Variants in AGBL4 observed in about 807,000 individuals in gnomAD.
AGBL4 encodes the protein AGBL carboxypeptidase 4.
AGBL4 carries 58 observed loss-of-function variants against 66.4 expected under a neutral mutation model. The ratio of observed to expected loss-of-function variants is 0.87; its 90% CI spans 0.71 to 1.09. AGBL4 has a LOEUF of 1.09. Among genes scored for constraint, AGBL4 ranks in the 50% least tolerant of loss-of-function variants. The pLI, the probability that AGBL4 is intolerant of heterozygous loss-of-function variation, is 0.00. For synonymous variants in AGBL4, 234 were observed against 222.9 expected, an observed-to-expected ratio of 1.05 and a Z score of -0.44; for missense variants, 579 against 631.0, an observed-to-expected ratio of 0.92 and a Z score of 0.88.
intron 5 of AGBL4, among the ~76,000 whole-genome samples, chr1:49,010,438 A>C (rs1438751676): frequency 7.3e-6 from 1 of 136,700 alleles, no homozygotes; most frequent in Non-Finnish European, 1.6e-5. Context: ...CAATATCGTG[A>C]AAATGGCCAT....
chr1:49,474,157 T>G (rs999905002), intron 3 of AGBL4, among the ~76,000 whole-genome samples: 1 of 152,082 alleles, frequency 6.6e-6, no homozygotes, highest in Non-Finnish European at 1.5e-5. Flanking sequence ...TTTCTAATTA[T>G]GTGAAAAAAT....
chr1:48,631,008 T>C lies in AGBL4; in HGVS notation c.951+3485A>G, dbSNP rs528731944. 2.6e-5 allele frequency among the ~76,000 whole-genome samples: 4 copies of C among 152,248 alleles called. No individual in the cohort carries two copies. The East Asian group carries it at 7.7e-4, about 29-fold the overall frequency. ...TAGAATAACTGTCTGTAAATGTCTG[T>C]CTCCACCAGGCTGTGAACTCGGCAC... On this transcript the variant is annotated intron_variant, in intron 9 of 13. Transcript: ENST00000371839.
chr1:49,332,775 C>A (rs541137172), intron 3 of AGBL4, among the ~76,000 whole-genome samples: 1 of 152,212 alleles, frequency 6.6e-6, no homozygotes, highest in South Asian at 2.1e-4. Flanking sequence ...TACATACGTA[C>A]CTGAAAAAAC....
intron 5 of AGBL4, among the ~76,000 whole-genome samples, chr1:49,015,484 G>A (rs1376890279): frequency 4.0e-5 from 6 of 148,832 alleles, no homozygotes; most frequent in Admixed American, 1.3e-4. Context: ...GTGCAGTGGC[G>A]CGATCTCCGT....
chr1:48,690,955 A>AT (rs1384430546), intron 6 of AGBL4, among the ~76,000 whole-genome samples: 1 of 152,096 alleles, frequency 6.6e-6, no homozygotes, highest in Admixed American at 6.5e-5. Context: ...ACCTGAGGTC[A>AT]TGAGTTCAAG....
chr1:49,281,857 T>C (rs1011088001), intron 3 of AGBL4, among the ~76,000 whole-genome samples: 6 of 152,232 alleles, frequency 3.9e-5, no homozygotes, highest in Non-Finnish European at 8.8e-5. Context: ...TCTTGCCCCA[T>C]ATATTTCTTC....
At chr1:48,851,087 A>G (rs17104993) in intron 6 of AGBL4, among the ~76,000 whole-genome samples, 4,831 of 152,298 alleles carry the variant, frequency 0.032, 266 homozygotes, top group African/African-American at 0.11. Context: ...AGTGGTTGTC[A>G]TTATTGCGCT....
intron 3 of AGBL4, among the ~76,000 whole-genome samples, chr1:49,624,431 T>C (rs924200152): frequency 6.6e-6 from 1 of 152,212 alleles, no homozygotes; most frequent in African/African-American, 2.4e-5. Context: ...TCTTCTTCTT[T>C]AGTAACACAG....
At chr1:48,759,899 C>A (rs1644163838) in intron 6 of AGBL4, among the ~76,000 whole-genome samples, 1 of 152,178 alleles carries the variant, frequency 6.6e-6, no homozygotes, top group Non-Finnish European at 1.5e-5. Flanking sequence ...TCAGAACTGG[C>A]ACTCAGTAGG....
intron 3 of AGBL4, among the ~76,000 whole-genome samples, chr1:49,351,465 A>G (rs1291875179): frequency 6.6e-6 from 1 of 152,036 alleles, no homozygotes; most frequent in Non-Finnish European, 1.5e-5. Context: ...GTATATATAT[A>G]TATATATGAA....
At chr1:49,457,305 T>C (rs1211131167) in intron 3 of AGBL4, among the ~76,000 whole-genome samples, 1 of 151,876 alleles carries the variant, frequency 6.6e-6, no homozygotes, top group Non-Finnish European at 1.5e-5. Flanking sequence ...GGTTTTGACC[T>C]GCATTTCCCT....
intron 3 of AGBL4, among the ~76,000 whole-genome samples, chr1:49,646,729 T>C (rs1370810797): frequency 6.6e-6 from 1 of 151,972 alleles, no homozygotes; most frequent in Admixed American, 6.6e-5. Flanking sequence ...CCAAAACATC[T>C]TAGAAAATGT....
chr1:49,075,696 G>A (rs1486208019), intron 4 of AGBL4, among the ~76,000 whole-genome samples: 1 of 152,180 alleles, frequency 6.6e-6, no homozygotes, highest in Admixed American at 6.5e-5. Flanking sequence ...CGAGGACAGG[G>A]AAACTAATGA....
At chr1:48,898,376 T>G (rs1003597597) in intron 5 of AGBL4, among the ~76,000 whole-genome samples, 1 of 152,242 alleles carries the variant, frequency 6.6e-6, no homozygotes, top group African/African-American at 2.4e-5. Flanking sequence ...GAAAATCTTT[T>G]GCCCAGACCA....
At chr1:49,406,758 T>C (rs1028277042) in intron 3 of AGBL4, among the ~76,000 whole-genome samples, 3 of 152,024 alleles carry the variant, frequency 2.0e-5, no homozygotes, top group Admixed American at 2.0e-4. Context: ...TTATTCAATA[T>C]GATGTGTATA....
At chr1:49,647,418 G>C (rs1645911249) in intron 3 of AGBL4, among the ~76,000 whole-genome samples, 1 of 152,064 alleles carries the variant, frequency 6.6e-6, no homozygotes, top group Non-Finnish European at 1.5e-5. Flanking sequence ...ACCTCCACAG[G>C]AACCAGTGCC....
intron 6 of AGBL4, among the ~76,000 whole-genome samples, chr1:48,726,442 C>A (rs943923103): frequency 1.3e-5 from 2 of 152,178 alleles, no homozygotes; most frequent in Non-Finnish European, 2.9e-5. Flanking sequence ...ATTTATTGAA[C>A]ATCTATCTAC....
intron 1 of AGBL4, among the ~76,000 whole-genome samples, chr1:49,915,335 C>G (rs1393919002): frequency 6.6e-6 from 1 of 152,112 alleles, no homozygotes; most frequent in Non-Finnish European, 1.5e-5. Context: ...CCTTTCTTAG[C>G]CAAGGGAAGC....
intron 2 of AGBL4, among the ~76,000 whole-genome samples, chr1:49,779,837 A>G (rs6695041): frequency 0.52 from 78,749 of 151,960 alleles, 21,713 homozygotes; most frequent in Non-Finnish European, 0.62. Context: ...CAGAAGCTTA[A>G]GGAATGGCAA....
Sources: gnomAD v4.1 joint callset for allele counts (sites outside exome capture counted in the v4.1 genomes callset) on GRCh38, gnomAD v4.1.1 for gene constraint, MANE v1.5 for transcripts, NCBI Gene and HGNC (gene_info 2026-07-23, HGNC 2026-07-21) for gene names.